The following CMYA5 variants were observed in gnomAD, a reference collection of about 807,000 sequenced individuals.
CMYA5 encodes the protein cardiomyopathy-associated protein 5.
In CMYA5, 246 loss-of-function variants were observed where a neutral mutation model predicts 318.9. The observed-to-expected ratio is 0.77, with a 90% CI of 0.70 to 0.86. CMYA5 has a LOEUF of 0.86. Among genes scored for constraint, CMYA5 ranks in the 40% least tolerant of loss-of-function variants. The probability of loss-of-function intolerance (pLI) is 0.00; values close to 1 mark genes in which losing one functional copy is unlikely to be tolerated. For synonymous variants in CMYA5, 1,641 were observed against 1,729.5 expected (o/e 0.95, Z 1.27); for missense variants, 4,589 against 4,678.2 (o/e 0.98, Z 0.56).
At chr5:79,769,621 C>T (rs1828818484) in intron 9 of CMYA5, among the ~76,000 whole-genome samples, 1 of 152,132 alleles carries the variant, frequency 6.6e-6, no homozygotes, top group Non-Finnish European at 1.5e-5. Flanking sequence ...CTGGGTATCA[C>T]AAGCAGAGGC....
intron 9 of CMYA5, among the ~76,000 whole-genome samples, chr5:79,764,088 G>T (rs1828705689): frequency 6.6e-6 from 1 of 151,772 alleles, no homozygotes; most frequent in South Asian, 2.1e-4. Flanking sequence ...TGCCATGGTG[G>T]TTTGCTGCAC....
In CMYA5 at chr5:79,793,411, C is replaced by T. The variant is rs143636172; in HGVS notation, c.11790-26C>T. 11,257 of 1,600,792 alleles carry T rather than the reference C, an allele frequency of 7.0e-3. 65 individuals are homozygous for T. Among genetic ancestry groups the T allele is most frequent in the Non-Finnish European group, 8.5e-3 (9,998 of 1,170,036 alleles). On this transcript the variant is annotated intron_variant, in intron 11 of 12. Transcript: ENST00000446378. ...ACAGGCCGGCGATTCCTGCACTGAG[C>T]ATACTCTGATTGACTTCACCCACAG...
At chr5:79,691,731 T>C (rs190693446) in intron 1 of CMYA5, among the ~76,000 whole-genome samples, 22 of 152,290 alleles carry the variant, frequency 1.4e-4, no homozygotes, top group Non-Finnish European at 2.2e-4. Flanking sequence ...TCTGAAGAGA[T>C]TGGTTCTGAG....
chr5:79,747,199 C>G, intron 5 of CMYA5, 86 bp downstream of exon 5: 2 of 1,318,362 alleles, frequency 1.5e-6, no homozygotes, highest in Non-Finnish European at 2.0e-6. Context: ...GGAAAATGAG[C>G]TGCCAATTAA....
At chr5:79,758,186 C>G (rs1424937618) in intron 6 of CMYA5, among the ~76,000 whole-genome samples, 1 of 149,956 alleles carries the variant, frequency 6.7e-6, no homozygotes, top group East Asian at 2.0e-4. Flanking sequence ...GCCAAGATTG[C>G]GCCACTGCAC....
chr5:79,723,296 G>A (rs898050554), intron 1 of CMYA5, among the ~76,000 whole-genome samples: 7 of 151,930 alleles, frequency 4.6e-5, no homozygotes, highest in African/African-American at 9.7e-5. Context: ...AAAATTAGCC[G>A]GGAGCAGTGG....
intron 9 of CMYA5, chr5:79,763,453 T>C (rs1828695051): frequency 2.2e-6 from 1 of 444,810 alleles, no homozygotes; most frequent in Non-Finnish European, 4.0e-6. Flanking sequence ...TGAATTTTAA[T>C]GATAGAACAT....
rs375526745 is a variant in CMYA5 at position 79,799,356 on chromosome 5, C to T, written c.11964-14C>T. On this transcript the variant is annotated splice_polypyrimidine_tract_variant and intron_variant, in intron 12 of 12. Coordinates refer to ENST00000446378, the MANE Select transcript of CMYA5 (RefSeq NM_153610.5). ...TTTCCAGAGTTTTATGTTTCCCATT[C>T]GCTTTCATTTCAGATACACATTTTT... is the stretch of plus-strand genomic sequence containing the variant. The T allele has an allele frequency of 1.6e-5, 25 of 1,582,924 alleles. No homozygotes were observed. Among genetic ancestry groups the T allele is most frequent in the African/African-American group, 2.7e-5 (2 of 74,260 alleles).
At chr5:79,691,687 G>A (rs559742608) in intron 1 of CMYA5, among the ~76,000 whole-genome samples, 10 of 152,322 alleles carry the variant, frequency 6.6e-5, no homozygotes, top group Admixed American at 1.3e-4. Flanking sequence ...GGAAAAACAC[G>A]TATCGACGAA....
Position 79,733,827 on chromosome 5 carries a change from C to A in CMYA5, c.5062C>A (p.Leu1688Ile). Residue 1688 changes from leucine to isoleucine, a missense_variant, in exon 2 of 13, where the codon CTT becomes ATT. Physicochemically the swap from Leu to Ile is conservative, Grantham distance 5. Around this residue, in one of 3 missense-constraint regions of CMYA5, gnomAD observed 2,132 missense variants for 2,131.3 expected, o/e 1.00. Coordinates refer to ENST00000446378, the MANE Select transcript of CMYA5 (RefSeq NM_153610.5). ...AGAAGGAAAAGAAGAAAATAGAGAG[C>A]TTTGTGCATCTTCTACGATGCCTGC... Reference protein sequence around the residue: ...SREGKEENRELCASSTMPAIS... With the variant: ...SREGKEENREICASSTMPAIS... 1 of 1,613,690 alleles carries A rather than the reference C, an allele frequency of 6.2e-7. No individual in the cohort carries two copies. Among genetic ancestry groups the A allele is most frequent in the Admixed American group, 1.7e-5 (1 of 59,970 alleles).
rs1679174854 is a variant in CMYA5 at position 79,791,050 on chromosome 5, G to A, written c.11770G>A (p.Glu3924Lys). ...SSSGTVISFGERRRLTEIPSV... is the reference protein window; with the variant it reads ...SSSGTVISFGKRRRLTEIPSV... ...AAGTGGGACAGTGATCAGCTTTGGTGAGAGGAGACGGCTGACGGAGTAAGT... is the reference window on the plus strand; with the variant it reads ...AAGTGGGACAGTGATCAGCTTTGGTAAGAGGAGACGGCTGACGGAGTAAGT... Residue 3924 changes from glutamate (E) to lysine (K), a missense_variant, in exon 11 of 13, where the codon GAG (glutamate) becomes AAG (lysine). Physicochemically the swap from Glu to Lys is moderately conservative, Grantham distance 56 (BLOSUM62 1). Around this residue, in one of 3 missense-constraint regions of CMYA5, gnomAD observed 2,431 missense variants for 2,495.1 expected, o/e 0.97. Transcript: ENST00000446378. The A allele has an allele frequency of 1.9e-6, 3 of 1,613,378 alleles. 1 individual carries two copies. The African/African-American group carries it at 4.0e-5, about 21-fold the overall frequency.
intron 9 of CMYA5, among the ~76,000 whole-genome samples, chr5:79,767,758 G>A (rs1828781288): frequency 6.6e-6 from 1 of 152,174 alleles, no homozygotes; most frequent in Non-Finnish European, 1.5e-5. Flanking sequence ...GCAATGTGGT[G>A]CTGAGAAGAA....
chr5:79,752,494 A>G (rs1025216760), intron 5 of CMYA5, among the ~76,000 whole-genome samples, 182 bp from the exon 6 acceptor site: 1 of 152,248 alleles, frequency 6.6e-6, no homozygotes, highest in Non-Finnish European at 1.5e-5. Flanking sequence ...GTTGCCTAAG[A>G]ATAGATTTTA....
Position 79,736,577 on chromosome 5 carries a change from G to A in CMYA5, c.7812G>A (p.Glu2604=). The change falls in exon 2 of 13, where the codon GAG becomes GAA. Residue 2604 remains glutamate, a synonymous_variant. Transcript: ENST00000446378. ...AAAAATCAGAAGCCATGCTCGCAGAGGCTCACCCAGAAATCAGAGAAGCAA... is the reference window on the plus strand; with the variant it reads ...AAAAATCAGAAGCCATGCTCGCAGAAGCTCACCCAGAAATCAGAGAAGCAA... ...VTEKSEAMLA[E]AHPEIREAKA... The A allele has an allele frequency of 3.7e-6, 6 of 1,613,712 alleles. No homozygotes were observed. In the African/African-American group the frequency reaches 4.0e-5, roughly 11 times the overall value.
chr5:79,792,918 G>A (rs1829204372), intron 11 of CMYA5, among the ~76,000 whole-genome samples: 1 of 152,168 alleles, frequency 6.6e-6, no homozygotes, highest in African/African-American at 2.4e-5. Context: ...TCCACACTTG[G>A]CACTGGCCAG....
intron 9 of CMYA5, among the ~76,000 whole-genome samples, chr5:79,785,672 T>C (rs1006558138): frequency 2.0e-5 from 3 of 152,168 alleles, no homozygotes; most frequent in Non-Finnish European, 2.9e-5. Context: ...TTTCAACTGA[T>C]TTTCTTGGGT....
chr5:79,768,538 C>G (rs556131365), intron 9 of CMYA5, among the ~76,000 whole-genome samples: 1 of 152,282 alleles, frequency 6.6e-6, no homozygotes, highest in South Asian at 2.1e-4. Flanking sequence ...GATTTTATTT[C>G]TCCTTTGCTT....
intron 11 of CMYA5, 57 bp from the exon 12 acceptor site, chr5:79,793,380 T>C (rs1292242658): frequency 8.0e-6 from 12 of 1,503,098 alleles, no homozygotes; most frequent in Non-Finnish European, 9.1e-6. Context: ...TTTATGCTTA[T>C]GAGATACAGG....
At chr5:79,795,993 C>T (rs1189235716) in intron 12 of CMYA5, among the ~76,000 whole-genome samples, 4 of 152,200 alleles carry the variant, frequency 2.6e-5, no homozygotes, top group Non-Finnish European at 5.9e-5. Context: ...GGAATGTGTG[C>T]TCGGCCAGAA....
Sources: gnomAD v4.1 joint callset for allele counts (sites outside exome capture counted in the v4.1 genomes callset) on GRCh38, gnomAD v4.1.1 for gene constraint, gnomAD v4.1.1 regional missense constraint, MANE v1.5 for transcripts, NCBI Gene and HGNC (gene_info 2026-07-23, HGNC 2026-07-21) for gene names.